CSMD3: variants seen among roughly 807,000 people sequenced by gnomAD.
CSMD3 encodes the protein CUB and sushi domain-containing protein 3.
In CSMD3, 177 loss-of-function variants were observed where a neutral mutation model predicts 435.2. The ratio of observed to expected loss-of-function variants is 0.41; its 90% CI spans 0.36 to 0.46. The LOEUF (loss-of-function observed/expected upper bound fraction) is 0.46. Ranked by LOEUF, CSMD3 falls within the 20% of genes least tolerant of loss-of-function variation. The pLI is 0.34. For synonymous variants in CSMD3, 1,656 were observed against 1,520.5 expected (o/e 1.09, Z -2.07); for missense variants, 4,265 against 4,504.6 (o/e 0.95, Z 1.52).
intron 2 of CSMD3, chr8:113,313,988 G>C (rs2093890302): frequency 6.6e-6 from 1 of 152,088 alleles, no homozygotes; most frequent in South Asian, 2.1e-4. Flanking sequence ...AAAATAGTCA[G>C]GGTGCTAGTT....
intron 9 of CSMD3, among the ~76,000 whole-genome samples, chr8:112,945,860 A>G (rs958414063): frequency 1.3e-5 from 2 of 151,564 alleles, no homozygotes; most frequent in African/African-American, 4.8e-5. Context: ...CTTTCTTTTC[A>G]GGCTATTCCT....
At chr8:112,849,949 T>C (rs2080437574) in intron 11 of CSMD3, among the ~76,000 whole-genome samples, 1 of 152,084 alleles carries the variant, frequency 6.6e-6, no homozygotes. Context: ...TTTCTCAAAG[T>C]TAAATTGTAG....
chr8:112,768,699 C>T (rs1000277133), intron 13 of CSMD3, among the ~76,000 whole-genome samples: 1 of 151,834 alleles, frequency 6.6e-6, no homozygotes, highest in South Asian at 2.1e-4. Flanking sequence ...TGCTGAATAT[C>T]TTTCATACAA....
intron 11 of CSMD3, among the ~76,000 whole-genome samples, chr8:112,847,286 C>A (rs1469147395): frequency 6.6e-6 from 1 of 152,040 alleles, no homozygotes; most frequent in East Asian, 1.9e-4. Context: ...AGCTATGAGT[C>A]TTCTGGAGAC....
intron 58 of CSMD3, among the ~76,000 whole-genome samples, chr8:112,283,946 C>G (rs1037393422): frequency 2.0e-5 from 3 of 151,908 alleles, no homozygotes; most frequent in South Asian, 2.1e-4. Flanking sequence ...TGATGGATAT[C>G]ATAAATATTC....
At chr8:112,934,669 A>C (rs1341858856) in intron 9 of CSMD3, among the ~76,000 whole-genome samples, 2 of 152,142 alleles carry the variant, frequency 1.3e-5, no homozygotes, top group Non-Finnish European at 2.9e-5. Context: ...ACATAAATTC[A>C]TAAGTTGCTT....
chr8:113,397,861 T>TAAAGAAAG (rs1319598418), intron 1 of CSMD3, among the ~76,000 whole-genome samples: 4 of 127,472 alleles, frequency 3.1e-5, no homozygotes, highest in African/African-American at 1.2e-4. Flanking sequence ...AATAAATAAA[T>TAAAGAAAG]AAATAAAGAA....
intron 38 of CSMD3, among the ~76,000 whole-genome samples, chr8:112,376,081 C>A (rs1047801636): frequency 1.3e-5 from 2 of 152,158 alleles, no homozygotes; most frequent in African/African-American, 4.8e-5. Flanking sequence ...TTAAGACTCA[C>A]CCCAAGTGTC....
rs912661354 is a variant in CSMD3, at chr8:112,976,287, G to C, written c.1031-139C>G. On this transcript the variant is annotated intron_variant, in intron 6 of 70. Coordinates refer to ENST00000297405, the MANE Select transcript of CSMD3 (RefSeq NM_198123.2). ...GAAGAGGCAAAACACAAACACGCGA[G>C]TAAATTGTGAAGCGCACTAGATCTG... 3.1e-6 allele frequency: 3 copies of C among 981,966 alleles called. No homozygotes were observed. In the African/African-American group the frequency reaches 4.9e-5, roughly 16 times the overall value. 60.8% of individuals were successfully genotyped at this position (981,966 alleles called of 1,614,324 possible). A position where few individuals can be genotyped will look rare whatever the true frequency, so the allele number is the denominator to read the frequency against.
intron 50 of CSMD3, 162 bp downstream of exon 50, chr8:112,310,816 A>T: frequency 1.4e-6 from 1 of 716,058 alleles, no homozygotes; most frequent in South Asian, 1.5e-5. Context: ...TTTCCCCTGG[A>T]ATTTATCATT....
At chr8:113,023,977 G>T (rs571516674) in intron 5 of CSMD3, among the ~76,000 whole-genome samples, 1 of 151,736 alleles carries the variant, frequency 6.6e-6, no homozygotes, top group South Asian at 2.1e-4. Context: ...TATCTTTTTC[G>T]TTGACTATAG....
At chr8:113,352,067 A>G (rs571496004) in intron 1 of CSMD3, among the ~76,000 whole-genome samples, 2 of 152,216 alleles carry the variant, frequency 1.3e-5, no homozygotes, top group South Asian at 4.1e-4. Context: ...ATATTTCAGG[A>G]TTATTTCTTG....
At chr8:112,900,716 A>T (rs143229999) in intron 10 of CSMD3, among the ~76,000 whole-genome samples, 16 of 151,372 alleles carry the variant, frequency 1.1e-4, no homozygotes, top group African/African-American at 3.4e-4. Context: ...GCTGACAGAG[A>T]AAAAGCTCTT....
chr8:112,231,540 A>G lies in CSMD3; in HGVS notation c.10828+5T>C. The G allele has an allele frequency of 6.5e-7, 1 of 1,544,704 alleles. No homozygotes were observed. The highest frequency in any genetic ancestry group is 9.0e-7 in the Non-Finnish European group (1 of 1,116,848). On this transcript the variant is annotated splice_donor_5th_base_variant and intron_variant, in intron 69 of 70. Transcript: ENST00000297405. ...AGTTCGTGAAAATCAAAATGAATAC[A>G]TTACCCAGTCTTTGTAGGCCAAATT...
At chr8:112,355,692 G>A (rs1826528878) in intron 38 of CSMD3, among the ~76,000 whole-genome samples, 1 of 152,062 alleles carries the variant, frequency 6.6e-6, no homozygotes, top group Non-Finnish European at 1.5e-5. Context: ...AATTAGCCAG[G>A]CGTGGTGGCA....
At chr8:112,593,431 G>C (rs774810737) in intron 22 of CSMD3, among the ~76,000 whole-genome samples, 1 of 152,166 alleles carries the variant, frequency 6.6e-6, no homozygotes, top group Admixed American at 6.5e-5. Flanking sequence ...GCATGAAAGA[G>C]AGGAAAAGGT....
At chr8:113,107,053 G>A (rs921481471) in intron 4 of CSMD3, among the ~76,000 whole-genome samples, 13 of 152,006 alleles carry the variant, frequency 8.6e-5, no homozygotes, top group Non-Finnish European at 8.8e-5. Flanking sequence ...TTCCCCCTGG[G>A]CCTTAGACAA....
intron 31 of CSMD3, among the ~76,000 whole-genome samples, chr8:112,477,719 C>G (rs1367583714): frequency 2.0e-5 from 3 of 152,142 alleles, no homozygotes; most frequent in African/African-American, 7.2e-5. Flanking sequence ...ATGGTGAAGC[C>G]ATGCTTCTTG....
At chr8:112,541,312 A>T (rs912215028) in intron 27 of CSMD3, among the ~76,000 whole-genome samples, 1 of 152,052 alleles carries the variant, frequency 6.6e-6, no homozygotes, top group African/African-American at 2.4e-5. Flanking sequence ...ATAGAAAAAC[A>T]ATTAAAAAAT....
Sources: gnomAD v4.1 joint callset for allele counts (sites outside exome capture counted in the v4.1 genomes callset) on GRCh38, gnomAD v4.1.1 for gene constraint, MANE v1.5 for transcripts, NCBI Gene and HGNC (gene_info 2026-07-23, HGNC 2026-07-21) for gene names.